Variants in TENM3 observed in about 807,000 individuals in gnomAD.
TENM3 encodes teneurin transmembrane protein 3.
A neutral mutation model predicts 255.1 loss-of-function variants in TENM3; 63 were observed. The observed-to-expected ratio is 0.25, with a 90% confidence interval of 0.20 to 0.30. The LOEUF is 0.30. Among genes scored for constraint, TENM3 ranks in the 10% least tolerant of loss-of-function variants. The pLI is 1.00. For missense variants in TENM3, 2,929 were observed against 3,461.1 expected, an observed-to-expected ratio of 0.85 and a Z score of 3.86; for synonymous variants, 1,306 against 1,322.3, an observed-to-expected ratio of 0.99 and a Z score of 0.27.
At chr4:182,591,355 T>C (rs1746631032) in intron 3 of TENM3, among the ~76,000 whole-genome samples, 1 of 152,196 alleles carries the variant, frequency 6.6e-6, no homozygotes, top group Admixed American at 6.5e-5. Context: ...ACTAACCCAG[T>C]AAGTACAGTG....
chr4:182,623,076 T>C (rs1193745732), intron 4 of TENM3, among the ~76,000 whole-genome samples: 1 of 151,710 alleles, frequency 6.6e-6, no homozygotes. Flanking sequence ...AGTGGTGTGA[T>C]CTCTGCTCAC....
chr4:181,688,989 T>G, the TENM3 span, among the ~76,000 whole-genome samples: 1 of 152,294 alleles, frequency 6.6e-6, no homozygotes, highest in Non-Finnish European at 1.5e-5. Flanking sequence ...CCCATTCACT[T>G]TGCTGCTTTT....
chr4:182,119,582 C>G, the TENM3 span, among the ~76,000 whole-genome samples: 1 of 152,102 alleles, frequency 6.6e-6, no homozygotes, highest in Non-Finnish European at 1.5e-5. Context: ...CTGTGACCTC[C>G]CTTCTTTGAG....
At chr4:181,960,887 C>T in the TENM3 span, among the ~76,000 whole-genome samples, 1 of 152,124 alleles carries the variant, frequency 6.6e-6, no homozygotes, top group Admixed American at 6.5e-5. Context: ...TGCGTCATCT[C>T]CCCAGCAACT....
intron 3 of TENM3, among the ~76,000 whole-genome samples, chr4:182,456,645 A>G (rs1773894947): frequency 6.6e-6 from 1 of 152,180 alleles, no homozygotes; most frequent in Non-Finnish European, 1.5e-5. Context: ...GGTAAACATC[A>G]TATCTAATGC....
chr4:182,151,936 G>A (rs187529341), intron 1 of TENM3, among the ~76,000 whole-genome samples: 2 of 152,014 alleles, frequency 1.3e-5, no homozygotes, highest in East Asian at 3.9e-4. Context: ...GCCATATTTT[G>A]TCTCTTGATT....
chr4:181,962,882 A>G, the TENM3 span, among the ~76,000 whole-genome samples: 1 of 152,342 alleles, frequency 6.6e-6, no homozygotes, highest in South Asian at 2.1e-4. Flanking sequence ...ATGGTACGTA[A>G]AATTTCAAAA....
At chr4:181,713,303 CTTAG>C in the TENM3 span, among the ~76,000 whole-genome samples, 2 of 152,194 alleles carry the variant, frequency 1.3e-5, no homozygotes, top group African/African-American at 2.4e-5. Context: ...GAGGCATGGA[CTTAG>C]TTAGACCACG....
chr4:182,012,234 T>A, the TENM3 span, among the ~76,000 whole-genome samples: 1 of 152,164 alleles, frequency 6.6e-6, no homozygotes, highest in South Asian at 2.1e-4. Context: ...CATTAGATAG[T>A]TAGAACAATC....
intron 5 of TENM3, among the ~76,000 whole-genome samples, chr4:182,641,519 GT>G (rs201738527): frequency 7.4e-5 from 11 of 149,214 alleles, no homozygotes; most frequent in East Asian, 2.0e-4. Context: ...GTAGTATGCA[GT>G]TTTTTTTTGT....
intron 3 of TENM3, among the ~76,000 whole-genome samples, chr4:182,463,045 G>T (rs1185430168): frequency 6.6e-6 from 1 of 152,018 alleles, no homozygotes; most frequent in Non-Finnish European, 1.5e-5. Flanking sequence ...AGCCCTCCCC[G>T]TGTGCAGGTT....
chr4:181,882,727 A>G, the TENM3 span, among the ~76,000 whole-genome samples: 1 of 152,210 alleles, frequency 6.6e-6, no homozygotes, highest in Non-Finnish European at 1.5e-5. Flanking sequence ...TTTGGCTGCT[A>G]GAAAGGACTT....
chr4:182,543,705 T>TAAA (rs1290603479), intron 3 of TENM3, among the ~76,000 whole-genome samples: 2 of 152,184 alleles, frequency 1.3e-5, no homozygotes, highest in African/African-American at 4.8e-5. Context: ...AAGTTGTTGA[T>TAAA]ACATGCTTTT....
At chr4:182,784,622 C>T (rs1383194437) in intron 24 of TENM3, among the ~76,000 whole-genome samples, 18 of 151,806 alleles carry the variant, frequency 1.2e-4, no homozygotes, top group African/African-American at 4.4e-4. Flanking sequence ...CCTAAGCAAG[C>T]CTGGGCAATG....
At chr4:182,071,025 A>G in the TENM3 span, among the ~76,000 whole-genome samples, 1 of 152,200 alleles carries the variant, frequency 6.6e-6, no homozygotes, top group Non-Finnish European at 1.5e-5. Context: ...AAACCTCAGG[A>G]CCCACTTTCA....
At chr4:181,882,620 T>C in the TENM3 span, among the ~76,000 whole-genome samples, 1 of 152,362 alleles carries the variant, frequency 6.6e-6, no homozygotes, top group South Asian at 2.1e-4. Context: ...CACCTGGCAT[T>C]GAAGACCTTC....
At chr4:182,290,460 G>A (rs551969624) in intron 1 of TENM3, among the ~76,000 whole-genome samples, 2 of 152,148 alleles carry the variant, frequency 1.3e-5, no homozygotes, top group Non-Finnish European at 2.9e-5. Context: ...CAAACTTGGC[G>A]ACTTTAAAAA....
chr4:182,372,200 G>A (rs1260851057), intron 3 of TENM3, among the ~76,000 whole-genome samples: 1 of 152,046 alleles, frequency 6.6e-6, no homozygotes, highest in Non-Finnish European at 1.5e-5. Flanking sequence ...CAAATCATTA[G>A]GAATAAATTG....
intron 3 of TENM3, among the ~76,000 whole-genome samples, chr4:182,396,693 G>A (rs1768838871): frequency 6.6e-6 from 1 of 152,176 alleles, no homozygotes; most frequent in Non-Finnish European, 1.5e-5. Flanking sequence ...CAGGCACGGT[G>A]GTTCACACCT....
Sources: gnomAD v4.1 joint callset for allele counts (sites outside exome capture counted in the v4.1 genomes callset) on GRCh38, gnomAD v4.1.1 for gene constraint, MANE v1.5 for transcripts, NCBI Gene and HGNC (gene_info 2026-07-23, HGNC 2026-07-21) for gene names.